Variants in AFF3 observed in about 807,000 individuals in gnomAD.
The protein encoded by AFF3 is ALF transcription elongation factor 3, also known as AF4/FMR2 family member 3.
A neutral mutation model predicts 129.7 loss-of-function variants in AFF3; 32 were observed. The ratio of observed to expected loss-of-function variants is 0.25; its 90% CI spans 0.19 to 0.33. The LOEUF is 0.33. AFF3 is among the 10% of genes least tolerant of loss of function. AFF3 has a pLI of 1.00. For missense variants in AFF3, 1,373 were observed against 1,592.0 expected, an observed-to-expected ratio of 0.86 and a Z score of 2.34; for synonymous variants, 644 against 635.4, an observed-to-expected ratio of 1.01 and a Z score of -0.20.
chr2:99,954,751 T>A (rs1414719133), intron 7 of AFF3, among the ~76,000 whole-genome samples: 2 of 108,714 alleles, frequency 1.8e-5, no homozygotes, highest in African/African-American at 7.2e-5. Flanking sequence ...AACATCACAC[T>A]CTGGGGACTG....
intron 11 of AFF3, among the ~76,000 whole-genome samples, chr2:99,682,987 T>C (rs1382496514): frequency 6.6e-6 from 1 of 152,226 alleles, no homozygotes; most frequent in Non-Finnish European, 1.5e-5. Context: ...TTTCTTGAAA[T>C]GACTTTCTGA....
chr2:99,885,269 C>T (rs1279612201), intron 7 of AFF3, among the ~76,000 whole-genome samples: 2 of 152,188 alleles, frequency 1.3e-5, no homozygotes, highest in Non-Finnish European at 2.9e-5. Context: ...TTTACCCTAC[C>T]TCACACACAA....
At chr2:99,829,689 A>G (rs1688370791) in intron 8 of AFF3, among the ~76,000 whole-genome samples, 1 of 152,206 alleles carries the variant, frequency 6.6e-6, no homozygotes, top group African/African-American at 2.4e-5. Flanking sequence ...CTGGGAGTAT[A>G]AATTATTTCA....
intron 2 of AFF3, among the ~76,000 whole-genome samples, chr2:100,123,478 T>C (rs1692063545): frequency 6.6e-6 from 1 of 152,186 alleles, no homozygotes; most frequent in African/African-American, 2.4e-5. Flanking sequence ...TTGAAATGTG[T>C]TGGGTTTGTA....
At chr2:99,970,030 A>AAACAACATAT (rs1246546891) in intron 7 of AFF3, among the ~76,000 whole-genome samples, 1 of 152,222 alleles carries the variant, frequency 6.6e-6, no homozygotes, top group East Asian at 1.9e-4. Context: ...GCAGGAGAAG[A>AAACAACATAT]AACAACATAT....
intron 16 of AFF3, among the ~76,000 whole-genome samples, chr2:99,585,770 C>T (rs1678047599): frequency 2.0e-5 from 3 of 152,232 alleles, no homozygotes; most frequent in Admixed American, 2.0e-4. Context: ...TCTCTGTCGC[C>T]CAGGCTGGAG....
chr2:99,697,636 G>C (rs377431844), intron 11 of AFF3, among the ~76,000 whole-genome samples: 13 of 152,364 alleles, frequency 8.5e-5, no homozygotes, highest in African/African-American at 3.1e-4. Flanking sequence ...AATAGATCCT[G>C]GTAAGGACCC....
chr2:99,758,176 T>C (rs1042323417), intron 8 of AFF3, among the ~76,000 whole-genome samples: 1 of 152,244 alleles, frequency 6.6e-6, no homozygotes, highest in Admixed American at 6.5e-5. Flanking sequence ...ATCTTTAACC[T>C]GAAGTACTCT....
intron 12 of AFF3, among the ~76,000 whole-genome samples, chr2:99,671,107 C>T (rs1687106335): frequency 6.6e-6 from 1 of 152,160 alleles, no homozygotes; most frequent in Non-Finnish European, 1.5e-5. Flanking sequence ...AGTCTGTGAA[C>T]CCTTTTTCTA....
intron 7 of AFF3, among the ~76,000 whole-genome samples, chr2:99,873,500 T>C (rs1436609123): frequency 2.0e-5 from 3 of 152,216 alleles, no homozygotes; most frequent in South Asian, 2.1e-4. Flanking sequence ...CTGCCTTAGG[T>C]AGACTCCTTC....
At chr2:100,037,072 T>C (rs1684981452) in intron 4 of AFF3, among the ~76,000 whole-genome samples, 1 of 151,980 alleles carries the variant, frequency 6.6e-6, no homozygotes, top group African/African-American at 2.4e-5. Flanking sequence ...AGTAATTCTA[T>C]TGTTAAAAAC....
intron 20 of AFF3, among the ~76,000 whole-genome samples, chr2:99,561,204 T>A (rs1675439583): frequency 6.6e-6 from 1 of 152,244 alleles, no homozygotes; most frequent in African/African-American, 2.4e-5. Context: ...ATCTATAAAA[T>A]AAGACTAATA....
chr2:99,958,841 G>A (rs553064858), intron 7 of AFF3, among the ~76,000 whole-genome samples: 2 of 152,020 alleles, frequency 1.3e-5, no homozygotes, highest in South Asian at 2.1e-4. Flanking sequence ...GGCCGGGTGC[G>A]GTGGTTCATA....
intron 4 of AFF3, among the ~76,000 whole-genome samples, chr2:100,069,273 C>T (rs1481515947): frequency 6.6e-6 from 1 of 152,120 alleles, no homozygotes; most frequent in East Asian, 1.9e-4. Flanking sequence ...GGGGAAACTA[C>T]TTAACTCTAA....
intron 11 of AFF3, among the ~76,000 whole-genome samples, chr2:99,684,276 C>G (rs778486156): frequency 2.0e-5 from 3 of 152,212 alleles, no homozygotes; most frequent in Non-Finnish European, 4.4e-5. Flanking sequence ...CAACCTTATC[C>G]TACGCTGTGT....
intron 17 of AFF3, among the ~76,000 whole-genome samples, chr2:99,579,405 C>CAA (rs778716552): frequency 2.8e-5 from 3 of 106,988 alleles, no homozygotes; most frequent in African/African-American, 9.3e-5. Context: ...AACTCCGTCT[C>CAA]AAAAAAAAAA....
At chr2:100,080,875 AG>A (rs1573368268) in intron 4 of AFF3, among the ~76,000 whole-genome samples, 1 of 152,138 alleles carries the variant, frequency 6.6e-6, no homozygotes, top group East Asian at 1.9e-4. Context: ...AGTTGTACCC[AG>A]TAGCTGGCAA....
chr2:99,641,787 C>T (rs778411326), intron 13 of AFF3, among the ~76,000 whole-genome samples: 2 of 152,134 alleles, frequency 1.3e-5, no homozygotes, highest in Non-Finnish European at 2.9e-5. Flanking sequence ...AGAGTCGTCG[C>T]GAGGACTAAA....
At position 99,593,586 on chromosome 2, in the gene AFF3, T is replaced by G; in HGVS notation, c.2075A>C (p.Lys692Thr). The change falls in exon 15 of 25, where the codon AAA (lysine) becomes ACA (threonine). Residue 692 changes from lysine (K) to threonine (T), a missense_variant. Lys to Thr is a moderately conservative substitution (Grantham distance 78). This residue lies in a region of AFF3 where 466 missense variants were observed against 505.0 expected (regional missense o/e 0.92). Coordinates refer to ENST00000672756, the MANE Select transcript of AFF3 (RefSeq NM_001386135.1). ...ESEQEEYPLS[K>T]AQTVAASASS... is the part of the protein sequence containing the mutation. The stretch of plus-strand genomic sequence containing the variant: ...GGCAGAGGCAGCCACGGTCTGTGCT[T>G]TGGACAGAGGGTACTCCTCCTGCTC... 3.1e-6 allele frequency: 5 copies of G among 1,613,060 alleles called. No individual in the cohort carries two copies. Among genetic ancestry groups the G allele is most frequent in the Non-Finnish European group, 4.2e-6 (5 of 1,179,848 alleles).
Sources: allele counts gnomAD v4.1 joint callset (sites outside exome capture counted in the v4.1 genomes callset), GRCh38; gene constraint gnomAD v4.1.1; regional missense constraint gnomAD v4.1.1; transcripts MANE v1.5; gene names NCBI Gene and HGNC (gene_info 2026-07-23, HGNC 2026-07-21).